The following SSBP2 variants were observed in gnomAD, a reference collection of about 807,000 sequenced individuals.
The protein encoded by SSBP2 is single stranded DNA binding protein 2.
In SSBP2, 17 loss-of-function variants were observed where a neutral mutation model predicts 61.8. The observed-to-expected ratio is 0.28, with a 90% CI of 0.19 to 0.41. The LOEUF (loss-of-function observed/expected upper bound fraction) is 0.41, where lower values mean the gene tolerates loss of function less well. Among genes scored for constraint, SSBP2 ranks in the 10% least tolerant of loss-of-function variants. The pLI is 1.00. For synonymous variants in SSBP2, 139 were observed against 141.3 expected (o/e 0.98, Z 0.12); for missense variants, 310 against 458.7 (o/e 0.68, Z 2.96).
At position 81,600,227 on chromosome 5, in the gene SSBP2, C is replaced by T. The variant is rs142564423; in HGVS notation, c.282+15246G>A. 3.3e-3 allele frequency among the ~76,000 whole-genome samples: 499 copies of T among 152,076 alleles called. 5 individuals carry two copies. The highest frequency in any genetic ancestry group is 0.019 in the East Asian group (100 of 5,178). The stretch of plus-strand genomic sequence containing the variant: ...TGTGGATCACAAATAATGCATACAA[C>T]ACCTAAAGCTTTACAAAGCTAAAGA... On this transcript the variant is annotated intron_variant, in intron 4 of 16. Coordinates refer to ENST00000320672, the MANE Select transcript of SSBP2 (RefSeq NM_012446.5).
intron 6 of SSBP2, among the ~76,000 whole-genome samples, chr5:81,483,639 T>C (rs1462415612): frequency 6.6e-6 from 1 of 152,146 alleles, no homozygotes; most frequent in African/African-American, 2.4e-5. Context: ...CAGACGCATT[T>C]AGGTGCTTTC....
chr5:81,533,458 A>G (rs1770572452), intron 4 of SSBP2, among the ~76,000 whole-genome samples: 1 of 152,142 alleles, frequency 6.6e-6, no homozygotes, highest in Admixed American at 6.5e-5. Context: ...AACATCCCTC[A>G]TAAATGTAGA....
At chr5:81,591,703 TG>T (rs1209185518) in intron 4 of SSBP2, among the ~76,000 whole-genome samples, 1 of 151,774 alleles carries the variant, frequency 6.6e-6, no homozygotes, top group African/African-American at 2.4e-5. Context: ...TCAGTGACCC[TG>T]GAAATAGATT....
chr5:81,580,814 C>T (rs1380126524), intron 4 of SSBP2, among the ~76,000 whole-genome samples: 1 of 151,626 alleles, frequency 6.6e-6, no homozygotes, highest in Non-Finnish European at 1.5e-5. Flanking sequence ...TATGTTAACA[C>T]CAAATGCTGA....
intron 16 of SSBP2, among the ~76,000 whole-genome samples, chr5:81,423,558 G>C (rs1761747353): frequency 6.6e-6 from 1 of 151,824 alleles, no homozygotes; most frequent in Non-Finnish European, 1.5e-5. Context: ...GCCTGGCCAA[G>C]ATGGTGAAAC....
intron 11 of SSBP2, 41 bp downstream of exon 11, chr5:81,448,749 A>T: frequency 6.3e-7 from 1 of 1,583,360 alleles, no homozygotes; most frequent in Non-Finnish European, 8.7e-7. Context: ...AATAAAATGT[A>T]ACATCAATTC....
In SSBP2 at chr5:81,566,378, A is replaced by G. The variant is rs141555066; in HGVS notation, c.282+49095T>C. On this transcript the variant is annotated intron_variant, in intron 4 of 16. Transcript: ENST00000320672. Reference sequence around the variant, plus strand: ...CCTCATACTGTTCTTGTGGTAGTGAATAAGTCTCACAAGACCTGACAGTTT... The same window carrying G: ...CCTCATACTGTTCTTGTGGTAGTGAGTAAGTCTCACAAGACCTGACAGTTT... Among the ~76,000 whole-genome samples, 427 of 152,334 alleles carry G rather than the reference A, an allele frequency of 2.8e-3. 2 individuals are homozygous for G. Among genetic ancestry groups the G allele is most frequent in the African/African-American group, 7.6e-3 (318 of 41,582 alleles).
intron 1 of SSBP2, among the ~76,000 whole-genome samples, chr5:81,674,005 C>T (rs147542422): frequency 1.8e-3 from 274 of 152,172 alleles, no homozygotes; most frequent in African/African-American, 6.4e-3. Flanking sequence ...AACCAGATAA[C>T]CTTTAAAATA....
At chr5:81,689,842 T>C (rs1321492598) in intron 1 of SSBP2, among the ~76,000 whole-genome samples, 1 of 152,114 alleles carries the variant, frequency 6.6e-6, no homozygotes, top group Admixed American at 6.6e-5. Flanking sequence ...AAACCATTCA[T>C]ATCTGGAGTA....
chr5:81,666,133 T>TA (rs1447697942), intron 1 of SSBP2, among the ~76,000 whole-genome samples: 2 of 152,150 alleles, frequency 1.3e-5, no homozygotes, highest in African/African-American at 2.4e-5. Flanking sequence ...ACACTTAAGC[T>TA]AAAAAACAGA....
intron 2 of SSBP2, among the ~76,000 whole-genome samples, chr5:81,643,153 C>A (rs1009040848): frequency 1.3e-5 from 2 of 152,102 alleles, no homozygotes; most frequent in African/African-American, 4.8e-5. Context: ...GCCTCTGGCT[C>A]CAAAAGTGAA....
intron 6 of SSBP2, among the ~76,000 whole-genome samples, chr5:81,482,993 C>T (rs1766107727): frequency 6.6e-6 from 1 of 152,106 alleles, no homozygotes; most frequent in East Asian, 1.9e-4. Flanking sequence ...AATTTCAATA[C>T]TGTTGTGTCT....
intron 4 of SSBP2, among the ~76,000 whole-genome samples, chr5:81,518,699 G>T (rs942868030): frequency 6.6e-6 from 1 of 152,024 alleles, no homozygotes; most frequent in Non-Finnish European, 1.5e-5. Flanking sequence ...ATCTTATGTT[G>T]GCAACTTTAG....
chr5:81,654,716 C>T (rs1488931430), intron 1 of SSBP2, among the ~76,000 whole-genome samples: 1 of 152,152 alleles, frequency 6.6e-6, no homozygotes, highest in Non-Finnish European at 1.5e-5. Flanking sequence ...CAGCCCGGAA[C>T]AGTAATAAAA....
At chr5:81,527,732 G>C (rs1038705036) in intron 4 of SSBP2, among the ~76,000 whole-genome samples, 3 of 151,730 alleles carry the variant, frequency 2.0e-5, no homozygotes, top group Admixed American at 2.0e-4. Context: ...ACTGGGGCCT[G>C]TCAGAGGGTG....
At chr5:81,705,184 A>G (rs1186044609) in intron 1 of SSBP2, among the ~76,000 whole-genome samples, 1 of 152,184 alleles carries the variant, frequency 6.6e-6, no homozygotes, top group Non-Finnish European at 1.5e-5. Flanking sequence ...TAGTGCCTAT[A>G]TATGTGAACA....
At chr5:81,490,960 A>G (rs1043463123) in intron 5 of SSBP2, among the ~76,000 whole-genome samples, 2 of 152,238 alleles carry the variant, frequency 1.3e-5, no homozygotes, top group African/African-American at 4.8e-5. Context: ...ATATTTGATT[A>G]AAGTTGTCTC....
At chr5:81,561,662 T>G (rs185378981) in intron 4 of SSBP2, among the ~76,000 whole-genome samples, 10 of 151,996 alleles carry the variant, frequency 6.6e-5, no homozygotes, top group Admixed American at 2.6e-4. Flanking sequence ...GACCCTATAT[T>G]ACTTAGAAGA....
intron 12 of SSBP2, 118 bp from the exon 13 acceptor site, chr5:81,442,841 C>T (rs1763121492): frequency 2.2e-6 from 1 of 460,746 alleles, no homozygotes; most frequent in East Asian, 3.6e-5. Context: ...AGCTGCAACA[C>T]TTGAAATTGT....
Sources: allele counts gnomAD v4.1 joint callset (sites outside exome capture counted in the v4.1 genomes callset), GRCh38; gene constraint gnomAD v4.1.1; transcripts MANE v1.5; gene names NCBI Gene and HGNC (gene_info 2026-07-23, HGNC 2026-07-21).